The following ATE1 variants were observed in gnomAD, a reference collection of about 807,000 sequenced individuals.
ATE1 encodes the protein arginyltransferase 1.
ATE1 carries 36 observed loss-of-function variants against 70.5 expected under a neutral mutation model. The ratio of observed to expected loss-of-function variants is 0.51; its 90% CI spans 0.39 to 0.67. The LOEUF (loss-of-function observed/expected upper bound fraction) is 0.67. Among genes scored for constraint, ATE1 ranks in the 30% least tolerant of loss-of-function variants. The probability of loss-of-function intolerance (pLI) is 0.00; values close to 1 mark genes in which losing one functional copy is unlikely to be tolerated. For missense variants in ATE1, 593 were observed against 629.5 expected (o/e 0.94, Z 0.62); for synonymous variants, 232 against 219.3 (o/e 1.06, Z -0.51).
chr10:121,873,941 A>C (rs1241912944), intron 7 of ATE1, among the ~76,000 whole-genome samples: 5 of 152,160 alleles, frequency 3.3e-5, no homozygotes, highest in African/African-American at 1.2e-4. Flanking sequence ...TGCCAAAGTG[A>C]AATTCCAAAT....
At position 121,881,669 on chromosome 10, in the gene ATE1, T is replaced by TAA. The variant is rs11309013; in HGVS notation, c.943-11633_943-11632dup. Among the ~76,000 whole-genome samples the TAA allele has an allele frequency of 7.7e-4, 97 of 125,576 alleles. 1 individual carries two copies. The highest frequency in any genetic ancestry group is 4.4e-3 in the Middle Eastern group (1 of 226). The allele number at this position is 125,576 out of a possible 152,430, so 82.4% of individuals were successfully genotyped here. A position where few individuals can be genotyped will look rare whatever the true frequency, so the allele number is the denominator to read the frequency against. ...GTCAACATAATGAGATCCTGTCTCT[T>TAA]AAAAAAAAAAAAAAAAAAAGGAAAG... is the stretch of plus-strand genomic sequence containing the variant. On this transcript the variant is annotated intron_variant, in intron 7 of 11. Transcript: ENST00000224652.
At chr10:121,766,924 T>C (rs1945301814) in intron 11 of ATE1, among the ~76,000 whole-genome samples, 1 of 152,152 alleles carries the variant, frequency 6.6e-6, no homozygotes, top group Non-Finnish European at 1.5e-5. Flanking sequence ...ACACAATCCC[T>C]TTCGGAGAAT....
At chr10:121,834,925 T>C (rs1482569834) in intron 10 of ATE1, among the ~76,000 whole-genome samples, 1 of 152,124 alleles carries the variant, frequency 6.6e-6, no homozygotes, top group Non-Finnish European at 1.5e-5. Flanking sequence ...AAGATTAATA[T>C]AAGGACAGCC....
At chr10:121,798,716 A>G (rs554507899) in intron 10 of ATE1, among the ~76,000 whole-genome samples, 110 of 151,826 alleles carry the variant, frequency 7.2e-4, no homozygotes, top group Admixed American at 4.5e-3. Flanking sequence ...CCTGACCAAC[A>G]TGGTGAAACC....
intron 3 of ATE1, among the ~76,000 whole-genome samples, chr10:121,919,165 C>T (rs997403619): frequency 6.6e-6 from 1 of 152,100 alleles, no homozygotes; most frequent in Non-Finnish European, 1.5e-5. Flanking sequence ...TTCTTTCACA[C>T]TTCACAATAA....
At chr10:121,924,464 G>C in intron 1 of ATE1, 135 bp from the exon 2 acceptor site, 1 of 733,522 alleles carries the variant, frequency 1.4e-6, no homozygotes, top group Non-Finnish European at 2.3e-6. Flanking sequence ...ACTCTGGGAG[G>C]CCAAGGCGGG....
At chr10:121,767,081 G>C (rs1223213408) in intron 11 of ATE1, among the ~76,000 whole-genome samples, 1 of 152,160 alleles carries the variant, frequency 6.6e-6, no homozygotes, top group Non-Finnish European at 1.5e-5. Context: ...TACACACCAT[G>C]ACCAGCAGGG....
At chr10:121,846,393 C>T (rs575896406) in intron 8 of ATE1, among the ~76,000 whole-genome samples, 7 of 152,158 alleles carry the variant, frequency 4.6e-5, no homozygotes, top group Non-Finnish European at 1.0e-4. Flanking sequence ...AGCTATTCTG[C>T]CCTAAAGGTA....
intron 8 of ATE1, among the ~76,000 whole-genome samples, chr10:121,845,781 A>G (rs1948795819): frequency 6.6e-6 from 1 of 152,248 alleles, no homozygotes; most frequent in Non-Finnish European, 1.5e-5. Context: ...AGAAAGATTC[A>G]TGTGCTAATG....
At chr10:121,771,312 AC>A (rs1467275457) in intron 11 of ATE1, among the ~76,000 whole-genome samples, 1 of 151,846 alleles carries the variant, frequency 6.6e-6, no homozygotes, top group Admixed American at 6.6e-5. Context: ...CTCGTGATCC[AC>A]CCGCCTTGGC....
chr10:121,855,188 T>C (rs1360366683), intron 8 of ATE1, among the ~76,000 whole-genome samples: 2 of 152,234 alleles, frequency 1.3e-5, no homozygotes, highest in Non-Finnish European at 2.9e-5. Flanking sequence ...TTTCTTTCAC[T>C]TATTAAACTT....
chr10:121,883,876 G>A (rs548883371), intron 7 of ATE1, among the ~76,000 whole-genome samples: 25 of 151,892 alleles, frequency 1.6e-4, no homozygotes, highest in South Asian at 6.3e-4. Flanking sequence ...AGGCCAAGGC[G>A]GGTGGATCAC....
rs1180339238 is a variant in ATE1, at chr10:121,742,061, T to A, written c.*1619A>T. Reference sequence around the variant, plus strand: ...CTCAAATGCTCTTACGAGACTACTTTGCAGGTCAAAATCCCAGAAAAATGT... The same window carrying A: ...CTCAAATGCTCTTACGAGACTACTTAGCAGGTCAAAATCCCAGAAAAATGT... On this transcript the variant is annotated 3_prime_UTR_variant, in exon 12 of 12. Transcript: ENST00000224652. 6.6e-6 allele frequency: 1 copy of A among 152,206 alleles called. No individual in the cohort carries two copies. Among genetic ancestry groups the A allele is most frequent in the African/African-American group, 2.4e-5 (1 of 41,454 alleles). The allele number at this position is 152,206 out of a possible 1,614,324, so 9.4% of individuals were successfully genotyped here.
At position 121,825,424 on chromosome 10, in the gene ATE1, T is replaced by A. The variant is rs562966415; in HGVS notation, c.1257+11294A>T. 9.8e-5 allele frequency among the ~76,000 whole-genome samples: 15 copies of A among 152,322 alleles called. 1 individual carries two copies. The highest frequency in any genetic ancestry group is 9.8e-4 in the Admixed American group (15 of 15,296). On this transcript the variant is annotated intron_variant, in intron 10 of 11. Transcript: ENST00000224652. ...GCAGAAATTTTAAAAATTTTTCAGATGTTCACACTCTGCAGGACCCTGTGC... is the reference window on the plus strand; with the variant it reads ...GCAGAAATTTTAAAAATTTTTCAGAAGTTCACACTCTGCAGGACCCTGTGC...
chr10:121,913,911 A>G lies in ATE1; in HGVS notation c.234-18T>C, dbSNP rs1335793647. On this transcript the variant is annotated intron_variant, in intron 3 of 11. Transcript: ENST00000224652. ...GTCGGCACCTAGGAAAGCAAAATAA[A>G]TATTTAAAAAGTGAACTCAAACCTT... The G allele has an allele frequency of 1.9e-6, 3 of 1,584,442 alleles. No individual in the cohort carries two copies. Among genetic ancestry groups the G allele is most frequent in the East Asian group, 2.3e-5 (1 of 44,442 alleles).
intron 7 of ATE1, among the ~76,000 whole-genome samples, chr10:121,893,922 G>C (rs1286272773): frequency 6.6e-6 from 1 of 152,094 alleles, no homozygotes; most frequent in Non-Finnish European, 1.5e-5. Flanking sequence ...CGGATCACCT[G>C]AGGTCAGGAG....
At chr10:121,901,497 C>T (rs1463645053) in intron 6 of ATE1, among the ~76,000 whole-genome samples, 1 of 152,146 alleles carries the variant, frequency 6.6e-6, no homozygotes, top group African/African-American at 2.4e-5. Context: ...TGCTCTGTCA[C>T]GCAGGCTGGA....
chr10:121,769,404 G>A (rs1945409278), intron 11 of ATE1, among the ~76,000 whole-genome samples: 1 of 152,094 alleles, frequency 6.6e-6, no homozygotes, highest in South Asian at 2.1e-4. Flanking sequence ...CCAAATGGAT[G>A]GATCATAGAT....
chr10:121,801,421 A>G (rs1473712931), intron 10 of ATE1, among the ~76,000 whole-genome samples: 2 of 152,214 alleles, frequency 1.3e-5, no homozygotes, highest in African/African-American at 4.8e-5. Context: ...TAAAAAAGAC[A>G]AAGAAACCTT....
Sources: allele counts gnomAD v4.1 joint callset (sites outside exome capture counted in the v4.1 genomes callset), GRCh38; gene constraint gnomAD v4.1.1; transcripts MANE v1.5; gene names NCBI Gene and HGNC (gene_info 2026-07-23, HGNC 2026-07-21).